The following TRAF3IP2 variants were observed in gnomAD, a reference collection of about 807,000 sequenced individuals.
TRAF3IP2 encodes the protein TRAF3 interacting protein 2.
A neutral mutation model predicts 57.9 loss-of-function variants in TRAF3IP2; 35 were observed. The observed-to-expected ratio is 0.60, with a 90% CI of 0.46 to 0.80. The LOEUF (loss-of-function observed/expected upper bound fraction) is 0.80. Among genes scored for constraint, TRAF3IP2 ranks in the 30% least tolerant of loss-of-function variants. The pLI, the probability that TRAF3IP2 is intolerant of heterozygous loss-of-function variation, is 0.00. For synonymous variants in TRAF3IP2, 251 were observed against 268.9 expected, an observed-to-expected ratio of 0.93 and a Z score of 0.65; for missense variants, 556 against 706.4, an observed-to-expected ratio of 0.79 and a Z score of 2.41.
rs1476758639 is a variant in TRAF3IP2 at position 111,563,048 on chromosome 6, A to G, written c.1477-9T>C. ...ATGAACTCAATCTGCATCTGAAACC[A>G]AACAAATGTGAAGGTTTAATTTCAG... On this transcript the variant is annotated splice_polypyrimidine_tract_variant and intron_variant, in intron 7 of 8. Transcript: ENST00000368761. The G allele has an allele frequency of 6.2e-7, 1 of 1,605,216 alleles. No homozygotes were observed. The highest frequency in any genetic ancestry group is 1.7e-5 in the Admixed American group (1 of 59,894).
At chr6:111,603,090 A>ACG (rs1271283573) in intron 1 of TRAF3IP2, among the ~76,000 whole-genome samples, 1 of 142,448 alleles carries the variant, frequency 7.0e-6, no homozygotes, top group African/African-American at 2.7e-5. Context: ...GTGTGCACAC[A>ACG]CACACACACA....
At chr6:111,602,673 C>A (rs1796909973) in intron 1 of TRAF3IP2, among the ~76,000 whole-genome samples, 1 of 151,984 alleles carries the variant, frequency 6.6e-6, no homozygotes, top group Non-Finnish European at 1.5e-5. Context: ...ATAGGGTAAG[C>A]TGGGAGGCCA....
At position 111,580,430 on chromosome 6, in the gene TRAF3IP2, CTAG is replaced by C. The variant is rs780649677; in HGVS notation, c.830-44_830-42del. 2.0e-6 allele frequency: 3 copies of C among 1,501,966 alleles called. No individual in the cohort carries two copies. The African/African-American group carries it at 4.2e-5, about 21-fold the overall frequency. The allele number at this position is 1,501,966 out of a possible 1,614,324, so 93.0% of individuals were successfully genotyped here. A position where few individuals can be genotyped will look rare whatever the true frequency, so the allele number is the denominator to read the frequency against. ...ACAAAGACAACAGGGAACATCAACT[CTAG>C]CTCCTTCGTGTGAAAGGAGTCATAA... On this transcript the variant is annotated intron_variant, in intron 2 of 8. Coordinates refer to ENST00000368761, the MANE Select transcript of TRAF3IP2 (RefSeq NM_147686.4).
rs1334856439 is a variant in TRAF3IP2 at position 111,560,550 on chromosome 6, G to GT, written c.1552-1000_1552-999insA. On this transcript the variant is annotated intron_variant, in intron 8 of 8. Coordinates refer to ENST00000368761, the MANE Select transcript of TRAF3IP2 (RefSeq NM_147686.4). ...GGCAGGCATCATACTGAGTACTGAG[G>GT]ATGCCCAAATGAAAAGGACGCAGGG... is the stretch of plus-strand genomic sequence containing the variant. 5.3e-5 allele frequency among the ~76,000 whole-genome samples: 8 copies of GT among 152,330 alleles called. No homozygotes were observed. The East Asian group carries it at 1.5e-3, about 29-fold the overall frequency.
chr6:111,576,009 C>T (rs900515930), intron 3 of TRAF3IP2, among the ~76,000 whole-genome samples, 188 bp from the exon 4 acceptor site: 1 of 152,132 alleles, frequency 6.6e-6, no homozygotes, highest in Non-Finnish European at 1.5e-5. Flanking sequence ...CAGCTGGCTG[C>T]CACATGTGAG....
At chr6:111,569,144 G>A (rs757771168) in intron 5 of TRAF3IP2, among the ~76,000 whole-genome samples, 3 of 152,188 alleles carry the variant, frequency 2.0e-5, no homozygotes, top group Non-Finnish European at 4.4e-5. Context: ...GTTTTCAAAT[G>A]TGTGATGGCC....
At chr6:111,566,341 A>G in intron 7 of TRAF3IP2, 103 bp downstream of exon 7, 1 of 927,788 alleles carries the variant, frequency 1.1e-6, no homozygotes, top group Non-Finnish European at 1.7e-6. Context: ...TTCACCCAGC[A>G]TCATGCTGCC....
intron 1 of TRAF3IP2, among the ~76,000 whole-genome samples, chr6:111,595,625 C>T (rs62422682): frequency 5.5e-4 from 84 of 152,064 alleles, no homozygotes; most frequent in Admixed American, 3.5e-3. Context: ...GTCAGGAGTT[C>T]GAGACCAGCC....
chr6:111,566,719 C>T (rs797011070), intron 6 of TRAF3IP2, among the ~76,000 whole-genome samples, 159 bp from the exon 7 acceptor site: 1 of 152,288 alleles, frequency 6.6e-6, no homozygotes, highest in East Asian at 1.9e-4. Context: ...TCCCTTCTGT[C>T]TCCAGCCCAG....
intron 2 of TRAF3IP2, among the ~76,000 whole-genome samples, chr6:111,589,718 C>T (rs1350298595): frequency 6.6e-6 from 1 of 152,220 alleles, no homozygotes; most frequent in Non-Finnish European, 1.5e-5. Flanking sequence ...CCTGATCTCA[C>T]ACTCATTCTT....
chr6:111,580,680 C>T (rs1310036020), intron 2 of TRAF3IP2, among the ~76,000 whole-genome samples: 1 of 152,218 alleles, frequency 6.6e-6, no homozygotes, highest in South Asian at 2.1e-4. Context: ...CTCCTCTTTT[C>T]GTAAGATACT....
chr6:111,578,474 C>T (rs1796059349), intron 3 of TRAF3IP2, among the ~76,000 whole-genome samples: 1 of 152,132 alleles, frequency 6.6e-6, no homozygotes, highest in South Asian at 2.1e-4. Context: ...GACCCCTTCT[C>T]TGCAAAAAAT....
chr6:111,581,185 A>C (rs1437089518), intron 2 of TRAF3IP2, among the ~76,000 whole-genome samples: 1 of 152,268 alleles, frequency 6.6e-6, no homozygotes, highest in Non-Finnish European at 1.5e-5. Context: ...TTAATCACGC[A>C]AAAGAATAGA....
rs1392550556 is a variant in TRAF3IP2, at chr6:111,557,150, CG to C, written c.*2254del. ...CAAAAAAAAGAAAAAAAAAACAAAA[CG>C]GTGGACTGTCTTGTAGCACAAGTGA... On this transcript the variant is annotated 3_prime_UTR_variant, in exon 9 of 9. Transcript: ENST00000368761. The C allele has an allele frequency of 2.0e-5, 3 of 151,466 alleles. No individual in the cohort carries two copies. Among genetic ancestry groups the C allele is most frequent in the Non-Finnish European group, 4.4e-5 (3 of 67,954 alleles). The allele number at this position is 151,466 out of a possible 1,614,324, so 9.4% of individuals were successfully genotyped here.
intron 2 of TRAF3IP2, among the ~76,000 whole-genome samples, chr6:111,580,884 CCTCTT>C (rs1169446913): frequency 6.6e-6 from 1 of 150,860 alleles, no homozygotes. Context: ...ACCCCACTCT[CCTCTT>C]AAGAAGAGGT....
chr6:111,562,981 A>G lies in TRAF3IP2; in HGVS notation c.1535T>C (p.Phe512Ser). The change falls in exon 8 of 9, where the codon TTC (phenylalanine) becomes TCC (serine). Residue 512 changes from phenylalanine to serine, a missense_variant. Around this residue, in one of 2 missense-constraint regions of TRAF3IP2, gnomAD observed 128 missense variants for 207.7 expected, o/e 0.62. Coordinates refer to ENST00000368761, the MANE Select transcript of TRAF3IP2 (RefSeq NM_147686.4). ...SMNFRFIPVLFPNAKKEHVPT... is the reference protein window; with the variant it reads ...SMNFRFIPVLSPNAKKEHVPT... ...TTTGTTTACCTTCTTAGCATTTGGG[A>G]AGAGCACAGGGATGAATCTGAAATT... is the stretch of plus-strand genomic sequence containing the variant. 6.2e-7 allele frequency: 1 copy of G among 1,612,350 alleles called. No individual in the cohort carries two copies. Among genetic ancestry groups the G allele is most frequent in the Non-Finnish European group, 8.5e-7 (1 of 1,179,546 alleles).
intron 2 of TRAF3IP2, among the ~76,000 whole-genome samples, chr6:111,584,092 C>A (rs1484350235): frequency 2.0e-5 from 3 of 152,184 alleles, no homozygotes; most frequent in African/African-American, 7.2e-5. Context: ...AAGCTCTAAT[C>A]ATAGGGTTTA....
chr6:111,572,471 A>G (rs1795860596), intron 5 of TRAF3IP2, among the ~76,000 whole-genome samples: 2 of 152,244 alleles, frequency 1.3e-5, no homozygotes, highest in African/African-American at 4.8e-5. Context: ...CCCAGTGCAG[A>G]ACAAAAGGTC....
rs1177808069 is a variant in TRAF3IP2, at chr6:111,557,423, A to T, written c.*1982T>A. The T allele has an allele frequency of 5.0e-5, 7 of 140,850 alleles. No homozygotes were observed. Among genetic ancestry groups the T allele is most frequent in the Admixed American group, 1.4e-4 (2 of 14,104 alleles). The allele number at this position is 140,850 out of a possible 1,614,324, so 8.7% of individuals were successfully genotyped here. On this transcript the variant is annotated 3_prime_UTR_variant, in exon 9 of 9. Transcript: ENST00000368761. ...ATTATCAACCTGAGGGTATTGTTGA[A>T]GTTTTTTTTTTTTTTTTTTTTTTTG... is the stretch of plus-strand genomic sequence containing the variant.
Sources: allele counts gnomAD v4.1 joint callset (sites outside exome capture counted in the v4.1 genomes callset), GRCh38; gene constraint gnomAD v4.1.1; regional missense constraint gnomAD v4.1.1; transcripts MANE v1.5; gene names NCBI Gene and HGNC (gene_info 2026-07-23, HGNC 2026-07-21).